RBMS1: variants seen among roughly 807,000 people sequenced by gnomAD.
RBMS1 encodes RNA binding motif single stranded interacting protein 1, also known as RNA-binding motif, single-stranded-interacting protein 1.
Under a neutral mutation model 62.3 loss-of-function variants are expected in RBMS1, and 17 were observed. That is an observed-to-expected ratio of 0.27 (90% confidence interval 0.19 to 0.41). The LOEUF (loss-of-function observed/expected upper bound fraction) is 0.41. RBMS1 is among the 10% of genes least tolerant of loss of function. RBMS1 has a pLI of 1.00. For missense variants in RBMS1, 334 were observed against 504.5 expected, an observed-to-expected ratio of 0.66 and a Z score of 3.24; for synonymous variants, 172 against 170.0, an observed-to-expected ratio of 1.01 and a Z score of -0.09.
At position 160,352,114 on chromosome 2, in the gene RBMS1, T is replaced by C. The variant is rs145797340; in HGVS notation, c.251+15102A>G. On this transcript the variant is annotated intron_variant, in intron 2 of 13. Transcript: ENST00000348849. The stretch of plus-strand genomic sequence containing the variant: ...CTTCTTAGTAGTGAACATAGGGAAA[T>C]ACAACATTACGAAATTGAGTATTCA... Among the ~76,000 whole-genome samples, 26 of 152,222 alleles carry C rather than the reference T, an allele frequency of 1.7e-4. No homozygotes were observed. In the East Asian group the frequency reaches 4.1e-3, roughly 24 times the overall value.
At chr2:160,319,466 T>C (rs1319830833) in intron 2 of RBMS1, among the ~76,000 whole-genome samples, 12 of 152,090 alleles carry the variant, frequency 7.9e-5, no homozygotes, top group Non-Finnish European at 1.5e-5. Flanking sequence ...GAGCCGAGAT[T>C]GCACCACTGC....
At chr2:160,459,081 A>G (rs546665850) in intron 1 of RBMS1, among the ~76,000 whole-genome samples, 16 of 152,246 alleles carry the variant, frequency 1.1e-4, no homozygotes, top group African/African-American at 3.9e-4. Flanking sequence ...CAGTCTAATC[A>G]TTTTTTGTGA....
At chr2:160,325,580 T>C (rs1690876350) in intron 2 of RBMS1, among the ~76,000 whole-genome samples, 1 of 152,204 alleles carries the variant, frequency 6.6e-6, no homozygotes, top group Non-Finnish European at 1.5e-5. Context: ...GTTTTTTCAA[T>C]GGCCTCCCAG....
chr2:160,286,990 A>G lies in RBMS1; in HGVS notation c.735T>C (p.His245=). 2 of 1,606,722 alleles carry G rather than the reference A, an allele frequency of 1.2e-6. No homozygotes were observed. The highest frequency in any genetic ancestry group is 1.1e-5 in the South Asian group (1 of 90,912). Residue 245 remains histidine (H), a synonymous_variant, in exon 7 of 14, where the codon CAT becomes CAC. Coordinates refer to ENST00000348849, the MANE Select transcript of RBMS1 (RefSeq NM_016836.4). ...NKYIPNGRPW[H]REGEVRLAGM... ...TTACAAGTCTCACCTCTCCTTCTCT[A>G]TGCCATGGTCTTCCATTAGGGATGT... is the stretch of plus-strand genomic sequence containing the variant.
At chr2:160,465,109 A>C (rs779138189) in intron 1 of RBMS1, among the ~76,000 whole-genome samples, 5 of 152,246 alleles carry the variant, frequency 3.3e-5, no homozygotes. Context: ...AAAAAGTCAA[A>C]TAAGCTAATC....
intron 2 of RBMS1, among the ~76,000 whole-genome samples, chr2:160,364,615 C>T (rs1411661010): frequency 2.0e-5 from 3 of 152,200 alleles, no homozygotes; most frequent in African/African-American, 7.2e-5. Flanking sequence ...TGCTTTTCCA[C>T]TGTAACCGCC....
At chr2:160,398,333 T>C (rs1695250333) in intron 1 of RBMS1, among the ~76,000 whole-genome samples, 1 of 152,198 alleles carries the variant, frequency 6.6e-6, no homozygotes, top group South Asian at 2.1e-4. Flanking sequence ...TAATTATGAA[T>C]GACGTATATT....
At chr2:160,407,110 C>T (rs944621361) in intron 1 of RBMS1, among the ~76,000 whole-genome samples, 5 of 152,184 alleles carry the variant, frequency 3.3e-5, no homozygotes, top group Admixed American at 2.0e-4. Flanking sequence ...GAAGACTGCA[C>T]ACCAGCGTGA....
intron 1 of RBMS1, among the ~76,000 whole-genome samples, chr2:160,421,447 T>C (rs1347118379): frequency 6.6e-6 from 1 of 152,222 alleles, no homozygotes; most frequent in Non-Finnish European, 1.5e-5. Flanking sequence ...GGTTTCCAGC[T>C]TCATCCAAGT....
chr2:160,346,759 C>G (rs1692199849), intron 2 of RBMS1, among the ~76,000 whole-genome samples: 1 of 152,062 alleles, frequency 6.6e-6, no homozygotes, highest in Non-Finnish European at 1.5e-5. Context: ...AACTGAAGAA[C>G]AGAAATTAGC....
chr2:160,363,764 C>T (rs6727751), intron 2 of RBMS1, among the ~76,000 whole-genome samples: 113,521 of 151,998 alleles, frequency 0.75, 43,140 homozygotes, highest in East Asian at 0.84. Context: ...AAAAATAAAA[C>T]AAATAAAATA....
At chr2:160,375,815 T>C (rs961513837) in intron 1 of RBMS1, among the ~76,000 whole-genome samples, 1 of 151,490 alleles carries the variant, frequency 6.6e-6, no homozygotes, top group Non-Finnish European at 1.5e-5. Flanking sequence ...TCCAGATCCA[T>C]GCCAGTTTTC....
Position 160,395,510 on chromosome 2 carries a change from G to C in RBMS1, c.76-28119C>G, listed in dbSNP as rs572103999. On this transcript the variant is annotated intron_variant, in intron 1 of 13. Coordinates refer to ENST00000348849, the MANE Select transcript of RBMS1 (RefSeq NM_016836.4). ...GTGGTGGCGGGCGCCTGCAGTCCTAGCTACTTGGGAGGCTGAGGCAGGAGA... is the reference window on the plus strand; with the variant it reads ...GTGGTGGCGGGCGCCTGCAGTCCTACCTACTTGGGAGGCTGAGGCAGGAGA... 3.9e-5 allele frequency among the ~76,000 whole-genome samples: 6 copies of C among 151,998 alleles called. No individual in the cohort carries two copies. The South Asian group carries it at 1.2e-3, about 32-fold the overall frequency.
chr2:160,447,449 C>T (rs539362341), intron 1 of RBMS1, among the ~76,000 whole-genome samples: 11 of 152,282 alleles, frequency 7.2e-5, no homozygotes, highest in African/African-American at 2.4e-4. Flanking sequence ...TCGTGAAAGT[C>T]TATGCTTACT....
At chr2:160,310,908 A>G (rs1689817124) in intron 4 of RBMS1, among the ~76,000 whole-genome samples, 1 of 152,080 alleles carries the variant, frequency 6.6e-6, no homozygotes, top group Admixed American at 6.6e-5. Flanking sequence ...TGGTGCTCAC[A>G]TGAGGCCAGG....
intron 1 of RBMS1, among the ~76,000 whole-genome samples, chr2:160,459,706 T>TACTCCACTTTTCC (rs1346333844): frequency 6.6e-6 from 1 of 152,206 alleles, no homozygotes; most frequent in African/African-American, 2.4e-5. Context: ...ATAAATAATT[T>TACTCCACTTTTCC]ACTCCACTTT....
At chr2:160,439,169 C>T (rs534554543) in intron 1 of RBMS1, among the ~76,000 whole-genome samples, 25 of 150,016 alleles carry the variant, frequency 1.7e-4, no homozygotes, top group Admixed American at 1.3e-3. Flanking sequence ...CCCTCCCGGA[C>T]GGGGCGGCTG....
chr2:160,391,857 A>G (rs1694879936), intron 1 of RBMS1, among the ~76,000 whole-genome samples: 1 of 152,108 alleles, frequency 6.6e-6, no homozygotes, highest in African/African-American at 2.4e-5. Flanking sequence ...ACATGCTTGT[A>G]GTCTCAGCTA....
chr2:160,298,847 TAAG>T (rs1689069585), intron 6 of RBMS1, among the ~76,000 whole-genome samples: 1 of 152,040 alleles, frequency 6.6e-6, no homozygotes, highest in African/African-American at 2.4e-5. Flanking sequence ...GCGGTCTTCC[TAAG>T]AAAGGGAAAT....
Sources: allele counts gnomAD v4.1 joint callset (sites outside exome capture counted in the v4.1 genomes callset), GRCh38; gene constraint gnomAD v4.1.1; transcripts MANE v1.5; gene names NCBI Gene and HGNC (gene_info 2026-07-23, HGNC 2026-07-21).